Variants in SNTG1 observed in about 807,000 individuals in gnomAD.
SNTG1 encodes gamma-1-syntrophin.
Under a neutral mutation model 74.7 loss-of-function variants are expected in SNTG1, and 39 were observed. That is an observed-to-expected ratio of 0.52 (90% CI 0.40 to 0.68). The LOEUF (loss-of-function observed/expected upper bound fraction) is 0.68, where lower values mean the gene tolerates loss of function less well. SNTG1 is among the 30% of genes least tolerant of loss of function. The pLI is 0.00. For synonymous variants in SNTG1, 254 were observed against 217.1 expected (o/e 1.17, Z -1.49); for missense variants, 685 against 609.5 (o/e 1.12, Z -1.30).
At chr8:50,292,665 A>T (rs116571622) in intron 2 of SNTG1, among the ~76,000 whole-genome samples, 219 of 152,226 alleles carry the variant, frequency 1.4e-3, no homozygotes, top group African/African-American at 5.2e-3. Flanking sequence ...GAGTGCTTGG[A>T]AGAGGTATTA....
rs34942560 is a variant in SNTG1 at position 50,112,515 on chromosome 8, C to CTTTTTTTT, written c.-102-60028_-102-60021dup. On this transcript the variant is annotated intron_variant, in intron 1 of 18. Transcript: ENST00000642720. The stretch of plus-strand genomic sequence containing the variant: ...AGCATACACAAGTATTTAGTTCTTT[C>CTTTTTTTT]TTTTTTTTTTTTTTTTTTTTTTTTT... Among the ~76,000 whole-genome samples, 25 of 77,594 alleles carry CTTTTTTTT rather than the reference C, an allele frequency of 3.2e-4. 1 individual carries two copies. The highest frequency in any genetic ancestry group is 5.7e-4 in the South Asian group (1 of 1,750). 50.9% of individuals were successfully genotyped at this position (77,594 alleles called of 152,430 possible). A position where few individuals can be genotyped will look rare whatever the true frequency, so the allele number is the denominator to read the frequency against.
At chr8:50,104,486 A>G (rs2080287120) in intron 1 of SNTG1, among the ~76,000 whole-genome samples, 1 of 151,746 alleles carries the variant, frequency 6.6e-6, no homozygotes, top group African/African-American at 2.4e-5. Context: ...CGGTCTATCA[A>G]TTTTGTTGAT....
At chr8:50,369,673 G>T (rs1026673309) in intron 2 of SNTG1, among the ~76,000 whole-genome samples, 2 of 151,230 alleles carry the variant, frequency 1.3e-5, no homozygotes, top group Non-Finnish European at 2.9e-5. Context: ...ACAGCCAGAA[G>T]GTTGCTGTCT....
rs184974309 is a variant in SNTG1, at chr8:50,671,694, G to T, written c.1038+13031G>T. ...TTTGACCCAGCAATCCCATTCCTAG[G>T]TATATACCCAAAGGACTATAAATCA... On this transcript the variant is annotated intron_variant, in intron 15 of 18. Transcript: ENST00000642720. Among the ~76,000 whole-genome samples the T allele has an allele frequency of 5.3e-5, 8 of 151,042 alleles. No homozygotes were observed. In the East Asian group the frequency reaches 1.6e-3, roughly 30 times the overall value.
At chr8:50,130,996 T>C (rs1013841917) in intron 1 of SNTG1, among the ~76,000 whole-genome samples, 8 of 151,948 alleles carry the variant, frequency 5.3e-5, no homozygotes, top group African/African-American at 1.7e-4. Flanking sequence ...AACAGCAAGG[T>C]ATAAAAATAA....
chr8:50,237,177 A>C (rs1054229957), intron 2 of SNTG1, among the ~76,000 whole-genome samples: 2 of 152,094 alleles, frequency 1.3e-5, no homozygotes, highest in Non-Finnish European at 2.9e-5. Flanking sequence ...AAAGAACCAG[A>C]AACTTTGTCT....
intron 1 of SNTG1, among the ~76,000 whole-genome samples, chr8:50,054,236 T>C (rs1026991229): frequency 3.3e-5 from 5 of 152,032 alleles, no homozygotes; most frequent in African/African-American, 1.2e-4. Flanking sequence ...TCTGGGCAGC[T>C]CCCTTCTCAG....
intron 2 of SNTG1, among the ~76,000 whole-genome samples, chr8:50,337,933 G>A (rs1394132154): frequency 2.0e-5 from 3 of 152,070 alleles, no homozygotes; most frequent in African/African-American, 7.2e-5. Flanking sequence ...TCAGGAGATC[G>A]AGACCATCCT....
At chr8:50,658,739 T>A in intron 15 of SNTG1, 76 bp downstream of exon 15, 1 of 885,910 alleles carries the variant, frequency 1.1e-6, no homozygotes, top group Non-Finnish European at 1.8e-6. Flanking sequence ...AAGCAGCTCA[T>A]GAAAACAAAT....
At chr8:50,548,150 G>A (rs2130550936) in intron 11 of SNTG1, among the ~76,000 whole-genome samples, 1 of 152,328 alleles carries the variant, frequency 6.6e-6, no homozygotes, top group Non-Finnish European at 1.5e-5. Context: ...ATGCCAGGAA[G>A]AAAAGGGTAT....
At chr8:50,174,838 T>A (rs1306054970) in intron 2 of SNTG1, among the ~76,000 whole-genome samples, 4 of 151,638 alleles carry the variant, frequency 2.6e-5, no homozygotes, top group Non-Finnish European at 5.9e-5. Flanking sequence ...ATTAGGTATA[T>A]CTCGTAATGC....
chr8:49,952,407 A>G (rs1809805479), intron 1 of SNTG1, among the ~76,000 whole-genome samples: 1 of 152,126 alleles, frequency 6.6e-6, no homozygotes, highest in Non-Finnish European at 1.5e-5. Context: ...GCATAAAACC[A>G]TGGTGAGAGG....
intron 13 of SNTG1, among the ~76,000 whole-genome samples, chr8:50,624,213 T>C (rs1408425698): frequency 6.6e-6 from 1 of 152,094 alleles, no homozygotes; most frequent in Non-Finnish European, 1.5e-5. Flanking sequence ...TTTATAGCTA[T>C]GTTAGAGTAA....
chr8:50,325,012 A>T (rs922055342), intron 2 of SNTG1, among the ~76,000 whole-genome samples: 1 of 147,238 alleles, frequency 6.8e-6, no homozygotes, highest in Non-Finnish European at 1.5e-5. Context: ...ATACACACAC[A>T]CACACAGACA....
chr8:50,070,730 TG>T (rs1257567490), intron 1 of SNTG1, among the ~76,000 whole-genome samples: 23 of 152,228 alleles, frequency 1.5e-4, no homozygotes, highest in Admixed American at 6.5e-5. Flanking sequence ...CCCACGAAAG[TG>T]AGTGGTTTAA....
intron 2 of SNTG1, among the ~76,000 whole-genome samples, chr8:50,251,245 G>A (rs1204028933): frequency 6.6e-6 from 1 of 151,750 alleles, no homozygotes; most frequent in Non-Finnish European, 1.5e-5. Context: ...ATGAGAAAGA[G>A]AAAAGAAACA....
At chr8:50,043,662 T>C (rs1818832477) in intron 1 of SNTG1, among the ~76,000 whole-genome samples, 2 of 152,190 alleles carry the variant, frequency 1.3e-5, no homozygotes, top group South Asian at 4.1e-4. Flanking sequence ...CATCCAGAAG[T>C]TGAGAGAGTG....
intron 8 of SNTG1, among the ~76,000 whole-genome samples, chr8:50,453,277 G>T (rs1304779758): frequency 6.6e-6 from 1 of 151,046 alleles, no homozygotes; most frequent in African/African-American, 2.4e-5. Flanking sequence ...TTGTGGATGG[G>T]ATTCTGTAAC....
intron 2 of SNTG1, among the ~76,000 whole-genome samples, chr8:50,225,796 G>A (rs1231470412): frequency 3.3e-5 from 5 of 152,132 alleles, no homozygotes; most frequent in East Asian, 1.9e-4. Context: ...AATGGAATAC[G>A]TTTTTAGATA....
Sources: gnomAD v4.1 joint callset for allele counts (sites outside exome capture counted in the v4.1 genomes callset) on GRCh38, gnomAD v4.1.1 for gene constraint, MANE v1.5 for transcripts, NCBI Gene and HGNC (gene_info 2026-07-23, HGNC 2026-07-21) for gene names.